The following COL25A1 variants were observed in gnomAD, a reference collection of about 807,000 sequenced individuals.
COL25A1 encodes the protein collagen type XXV alpha 1 chain, also known as collagen alpha-1(XXV) chain.
A neutral mutation model predicts 128.4 loss-of-function variants in COL25A1; 103 were observed. The ratio of observed to expected loss-of-function variants is 0.80; its 90% CI spans 0.68 to 0.94. COL25A1 has a LOEUF of 0.94. Among genes scored for constraint, COL25A1 ranks in the 40% least tolerant of loss-of-function variants. The pLI is 0.00. For missense variants in COL25A1, 745 were observed against 840.0 expected (o/e 0.89, Z 1.40); for synonymous variants, 279 against 277.2 (o/e 1.01, Z -0.06).
intron 3 of COL25A1, among the ~76,000 whole-genome samples, chr4:109,194,246 A>C (rs931919907): frequency 1.3e-5 from 2 of 152,200 alleles, no homozygotes; most frequent in African/African-American, 4.8e-5. Flanking sequence ...TAATGTAAAA[A>C]ATGAATATTT....
At chr4:109,079,679 T>C (rs1207322900) in intron 3 of COL25A1, among the ~76,000 whole-genome samples, 1 of 151,940 alleles carries the variant, frequency 6.6e-6, no homozygotes, top group Non-Finnish European at 1.5e-5. Context: ...ACTGCAAAAC[T>C]TAAGAAAAAA....
chr4:109,075,609 T>C (rs1422613608), intron 3 of COL25A1, among the ~76,000 whole-genome samples: 1 of 152,130 alleles, frequency 6.6e-6, no homozygotes, highest in Non-Finnish European at 1.5e-5. Context: ...TTATACTTTC[T>C]TTCTCAAAGA....
chr4:109,107,403 T>C (rs1481138033), intron 3 of COL25A1, among the ~76,000 whole-genome samples: 2 of 152,246 alleles, frequency 1.3e-5, no homozygotes, highest in Non-Finnish European at 2.9e-5. Context: ...TTGAAGTTTA[T>C]ACCTCAGTGT....
chr4:108,917,833 C>G (rs191563507), intron 13 of COL25A1, among the ~76,000 whole-genome samples: 2 of 152,262 alleles, frequency 1.3e-5, no homozygotes, highest in East Asian at 3.9e-4. Flanking sequence ...CCAGAATAAA[C>G]TAAAGTGCAT....
intron 3 of COL25A1, among the ~76,000 whole-genome samples, chr4:109,246,957 T>C (rs1780307190): frequency 6.6e-6 from 1 of 152,136 alleles, no homozygotes; most frequent in Admixed American, 6.6e-5. Context: ...AACTGGGATT[T>C]AAAAGGGGAA....
chr4:108,891,308 C>T (rs1478296562), intron 16 of COL25A1, among the ~76,000 whole-genome samples: 2 of 152,102 alleles, frequency 1.3e-5, no homozygotes, highest in Non-Finnish European at 2.9e-5. Flanking sequence ...GCTATTCCTC[C>T]TGTTGAAAAT....
intron 3 of COL25A1, among the ~76,000 whole-genome samples, chr4:109,077,208 T>C (rs539486106): frequency 1.3e-5 from 2 of 152,198 alleles, no homozygotes; most frequent in African/African-American, 2.4e-5. Context: ...ATTAAAGTCA[T>C]ACAAAGGAAA....
intron 6 of COL25A1, among the ~76,000 whole-genome samples, chr4:108,980,557 C>G (rs996254485): frequency 6.6e-6 from 1 of 152,168 alleles, no homozygotes; most frequent in Non-Finnish European, 1.5e-5. Flanking sequence ...GCAGCGTCGG[C>G]TGGCCTAATT....
At chr4:109,165,932 T>A (rs1488513745) in intron 3 of COL25A1, among the ~76,000 whole-genome samples, 1 of 152,202 alleles carries the variant, frequency 6.6e-6, no homozygotes, top group Non-Finnish European at 1.5e-5. Context: ...ATCTTTAGTA[T>A]CAAAAACATC....
chr4:109,125,992 T>A (rs374039624), intron 3 of COL25A1, among the ~76,000 whole-genome samples: 1 of 152,062 alleles, frequency 6.6e-6, no homozygotes, highest in Admixed American at 6.6e-5. Context: ...CTCCAATTCA[T>A]ATTACTAAGC....
At chr4:109,048,096 TGTTTTAACAAA>T (rs1579197985) in intron 5 of COL25A1, 61 bp downstream of exon 5, 10 of 1,476,078 alleles carry the variant, frequency 6.8e-6, no homozygotes, top group Non-Finnish European at 9.5e-6. Context: ...TATATTTTGG[TGTTTTAACAAA>T]GTTTTAACAT....
chr4:109,098,361 T>A (rs1013692255), intron 3 of COL25A1, among the ~76,000 whole-genome samples: 1 of 152,164 alleles, frequency 6.6e-6, no homozygotes, highest in African/African-American at 2.4e-5. Context: ...AACCCAAGAA[T>A]CCTCACCTCT....
intron 11 of COL25A1, among the ~76,000 whole-genome samples, chr4:108,929,303 T>A (rs1393884311): frequency 2.0e-5 from 3 of 151,934 alleles, no homozygotes; most frequent in African/African-American, 4.8e-5. Flanking sequence ...TTTCTATTTT[T>A]AGTAGAGACA....
intron 7 of COL25A1, 48 bp from the exon 8 acceptor site, chr4:108,974,441 T>C: frequency 1.9e-6 from 3 of 1,610,544 alleles, no homozygotes; most frequent in East Asian, 2.2e-5. Context: ...AATTTATACA[T>C]GATGTTCATT....
At chr4:109,079,904 T>C (rs148236637) in intron 3 of COL25A1, among the ~76,000 whole-genome samples, 25 of 152,056 alleles carry the variant, frequency 1.6e-4, no homozygotes, top group African/African-American at 5.8e-4. Flanking sequence ...TGATACGTAA[T>C]TTAAACTCAG....
At chr4:108,993,492 C>T (rs1754430415) in intron 6 of COL25A1, among the ~76,000 whole-genome samples, 2 of 152,168 alleles carry the variant, frequency 1.3e-5, no homozygotes, top group African/African-American at 4.8e-5. Flanking sequence ...CCCTCAACCT[C>T]CTTTTCCTAA....
rs12509662 is a variant in COL25A1 at position 109,279,327 on chromosome 4, C to T, written c.367+21256G>A. On this transcript the variant is annotated intron_variant, in intron 3 of 37. Transcript: ENST00000399132. The stretch of plus-strand genomic sequence containing the variant: ...AGGATTTTTAAAAAATATACCTCTC[C>T]GGCTGGGTGCAGTGACTCATGCCAG... Among the ~76,000 whole-genome samples, 169 of 152,150 alleles carry T rather than the reference C, an allele frequency of 1.1e-3. 1 individual carries two copies. Among genetic ancestry groups the T allele is most frequent in the African/African-American group, 3.7e-3 (154 of 41,514 alleles).
At chr4:109,059,262 G>A (rs1761725382) in intron 3 of COL25A1, among the ~76,000 whole-genome samples, 1 of 152,190 alleles carries the variant, frequency 6.6e-6, no homozygotes, top group African/African-American at 2.4e-5. Flanking sequence ...TGATGATATA[G>A]ACAGGTTAAA....
chr4:109,214,297 A>G (rs914382961), intron 3 of COL25A1, among the ~76,000 whole-genome samples: 3 of 152,156 alleles, frequency 2.0e-5, no homozygotes, highest in African/African-American at 7.2e-5. Flanking sequence ...TAGCATTAAA[A>G]TGAGGCTCCA....
Sources: allele counts gnomAD v4.1 joint callset (sites outside exome capture counted in the v4.1 genomes callset), GRCh38; gene constraint gnomAD v4.1.1; transcripts MANE v1.5; gene names NCBI Gene and HGNC (gene_info 2026-07-23, HGNC 2026-07-21).